The following ZBTB7C variants were observed in gnomAD, a reference collection of about 807,000 sequenced individuals.
ZBTB7C encodes the protein zinc finger and BTB domain-containing protein 7C.
In ZBTB7C, 8 loss-of-function variants were observed where a neutral mutation model predicts 25.7. The ratio of observed to expected loss-of-function variants is 0.31; its 90% CI spans 0.18 to 0.56. The LOEUF (loss-of-function observed/expected upper bound fraction) is 0.56. ZBTB7C is among the 20% of genes least tolerant of loss of function. The pLI, the probability that ZBTB7C is intolerant of heterozygous loss-of-function variation, is 0.91. For missense variants in ZBTB7C, 824 were observed against 855.2 expected (o/e 0.96, Z 0.46); for synonymous variants, 394 against 369.0 (o/e 1.07, Z -0.78).
intron 3 of ZBTB7C, among the ~76,000 whole-genome samples, chr18:48,065,878 G>A (rs2037309898): frequency 6.6e-6 from 1 of 152,106 alleles, no homozygotes; most frequent in Non-Finnish European, 1.5e-5. Flanking sequence ...GGGCAGAGTG[G>A]GGCAGCTCAT....
intron 1 of ZBTB7C, among the ~76,000 whole-genome samples, chr18:48,352,149 G>A (rs1443221526): frequency 1.3e-5 from 2 of 152,196 alleles, no homozygotes; most frequent in Non-Finnish European, 2.9e-5. Flanking sequence ...TCGCACCTTT[G>A]ACTCTGAAGA....
chr18:48,345,502 C>T (rs1326808117), intron 1 of ZBTB7C, among the ~76,000 whole-genome samples: 1 of 152,146 alleles, frequency 6.6e-6, no homozygotes, highest in African/African-American at 2.4e-5. Flanking sequence ...CCCCAAGGTG[C>T]CCTGCGCACT....
chr18:48,126,910 G>C (rs902130695), intron 3 of ZBTB7C, among the ~76,000 whole-genome samples: 2 of 152,140 alleles, frequency 1.3e-5, no homozygotes, highest in Admixed American at 1.3e-4. Context: ...GAAGAAGGGG[G>C]AGCAAAAGAA....
At chr18:48,191,169 G>A (rs1390633195) in intron 2 of ZBTB7C, among the ~76,000 whole-genome samples, 1 of 152,162 alleles carries the variant, frequency 6.6e-6, no homozygotes, top group Non-Finnish European at 1.5e-5. Context: ...GCTGTGCTTT[G>A]CTTCCTCTGA....
intron 2 of ZBTB7C, among the ~76,000 whole-genome samples, chr18:48,317,985 C>A (rs1031280165): frequency 7.9e-6 from 1 of 126,640 alleles, no homozygotes; most frequent in Non-Finnish European, 1.9e-5. Flanking sequence ...TCCTTCCTCA[C>A]CCCCTGCCCA....
At chr18:48,369,398 G>C (rs536002799) in intron 1 of ZBTB7C, among the ~76,000 whole-genome samples, 3 of 151,692 alleles carry the variant, frequency 2.0e-5, no homozygotes, top group Non-Finnish European at 4.4e-5. Flanking sequence ...AGAGAGAATA[G>C]ATAAAAAAAT....
At chr18:48,068,063 G>A (rs1405492694) in intron 3 of ZBTB7C, among the ~76,000 whole-genome samples, 1 of 151,568 alleles carries the variant, frequency 6.6e-6, no homozygotes, top group Non-Finnish European at 1.5e-5. Flanking sequence ...TATTGGTTCT[G>A]CTTCTCTGGA....
intron 2 of ZBTB7C, among the ~76,000 whole-genome samples, chr18:48,279,799 C>T (rs935368555): frequency 1.3e-5 from 2 of 152,236 alleles, no homozygotes; most frequent in African/African-American, 4.8e-5. Flanking sequence ...GCAGGGGAAG[C>T]ACTGAACCTG....
intron 1 of ZBTB7C, among the ~76,000 whole-genome samples, chr18:48,359,269 A>T (rs2047048884): frequency 6.6e-6 from 1 of 152,038 alleles, no homozygotes; most frequent in Non-Finnish European, 1.5e-5. Flanking sequence ...AGAAGGAGAA[A>T]TTTTTTCTCT....
At chr18:48,203,239 G>A (rs1389705327) in intron 2 of ZBTB7C, among the ~76,000 whole-genome samples, 1 of 152,106 alleles carries the variant, frequency 6.6e-6, no homozygotes, top group Non-Finnish European at 1.5e-5. Context: ...AAGGCCTAAG[G>A]GCTCACAATA....
rs532897200 is a variant in ZBTB7C, at chr18:48,151,313, A to G, written c.-17+34621T>C. On this transcript the variant is annotated intron_variant, in intron 3 of 4. Transcript: ENST00000590800. ...GACACCGGGACCTTTTCCGTATTAT[A>G]GCTAACATTAGGATGAGCATCCTTA... 2.0e-5 allele frequency among the ~76,000 whole-genome samples: 3 copies of G among 152,352 alleles called. No individual in the cohort carries two copies. In the East Asian group the frequency reaches 5.8e-4, roughly 29 times the overall value.
chr18:48,275,894 G>A (rs1000462067), intron 2 of ZBTB7C, among the ~76,000 whole-genome samples: 2 of 152,112 alleles, frequency 1.3e-5, no homozygotes, highest in African/African-American at 2.4e-5. Context: ...AACAGGAACC[G>A]ATCAACTACA....
At chr18:48,356,778 T>C (rs1450722740) in intron 1 of ZBTB7C, among the ~76,000 whole-genome samples, 1 of 152,208 alleles carries the variant, frequency 6.6e-6, no homozygotes, top group Non-Finnish European at 1.5e-5. Context: ...ACGTGCATTA[T>C]CTAACAGATG....
intron 3 of ZBTB7C, among the ~76,000 whole-genome samples, chr18:48,068,730 G>A (rs2037430471): frequency 6.6e-6 from 1 of 152,132 alleles, no homozygotes; most frequent in Non-Finnish European, 1.5e-5. Flanking sequence ...GAACCTTTGG[G>A]CAGGCTCCTG....
In ZBTB7C at chr18:48,027,289, TAAG is replaced by T. The variant is rs1490065013; in HGVS notation, c.*1968_*1970del. 3.3e-5 allele frequency: 5 copies of T among 151,184 alleles called. No individual in the cohort carries two copies. 9.4% of individuals were successfully genotyped at this position (151,184 alleles called of 1,614,324 possible). On this transcript the variant is annotated 3_prime_UTR_variant, in exon 5 of 5. Coordinates refer to ENST00000590800, the MANE Select transcript of ZBTB7C (RefSeq NM_001318841.2). ...CCAGTCATCTGAAAAATTGAGTTTA[TAAG>T]AAGTCATCACCTTTACAAAATAAAA...
chr18:48,404,033 G>A (rs28671622), intron 1 of ZBTB7C, among the ~76,000 whole-genome samples: 16,304 of 152,156 alleles, frequency 0.11, 981 homozygotes, highest in African/African-American at 0.14. Flanking sequence ...CAGGCGGATC[G>A]CCTGAGGTCA....
intron 2 of ZBTB7C, among the ~76,000 whole-genome samples, chr18:48,278,951 T>A (rs1471154171): frequency 6.6e-6 from 1 of 151,978 alleles, no homozygotes; most frequent in Non-Finnish European, 1.5e-5. Context: ...TTGTTTTTTT[T>A]TTTTTTAATT....
chr18:48,274,424 T>C (rs908622083), intron 2 of ZBTB7C, among the ~76,000 whole-genome samples: 3 of 152,180 alleles, frequency 2.0e-5, no homozygotes, highest in African/African-American at 2.4e-5. Flanking sequence ...CACCCTAACC[T>C]GTCTTAGAAG....
chr18:48,071,780 A>C (rs1341793919), intron 3 of ZBTB7C, among the ~76,000 whole-genome samples: 2 of 152,262 alleles, frequency 1.3e-5, no homozygotes, highest in East Asian at 3.8e-4. Context: ...AATGTGATAT[A>C]TACACAAAAC....
Sources: gnomAD v4.1 joint callset for allele counts (sites outside exome capture counted in the v4.1 genomes callset) on GRCh38, gnomAD v4.1.1 for gene constraint, MANE v1.5 for transcripts, NCBI Gene and HGNC (gene_info 2026-07-23, HGNC 2026-07-21) for gene names.